The following TMEFF2 variants were observed in gnomAD, a reference collection of about 807,000 sequenced individuals.
The protein encoded by TMEFF2 is transmembrane protein with EGF like and two follistatin like domains 2, also known as tomoregulin-2.
A neutral mutation model predicts 53.8 loss-of-function variants in TMEFF2; 28 were observed. That is an observed-to-expected ratio of 0.52 (90% CI 0.39 to 0.71). The LOEUF (loss-of-function observed/expected upper bound fraction) is 0.71, where lower values mean the gene tolerates loss of function less well. Among genes scored for constraint, TMEFF2 ranks in the 30% least tolerant of loss-of-function variants. The pLI is 0.00. For synonymous variants in TMEFF2, 162 were observed against 166.3 expected (o/e 0.97, Z 0.20); for missense variants, 353 against 455.2 (o/e 0.78, Z 2.04).
chr2:191,969,216 T>C (rs1200798608), intron 7 of TMEFF2, among the ~76,000 whole-genome samples: 1 of 152,012 alleles, frequency 6.6e-6, no homozygotes, highest in African/African-American at 2.4e-5. Context: ...AAGTGTTCAA[T>C]ATATAGAATG....
intron 4 of TMEFF2, among the ~76,000 whole-genome samples, chr2:192,124,729 A>T (rs1273413812): frequency 6.6e-6 from 1 of 152,206 alleles, no homozygotes; most frequent in Non-Finnish European, 1.5e-5. Context: ...GACACCTGGC[A>T]AATGGAGTTT....
chr2:192,157,295 G>A (rs187277937), intron 4 of TMEFF2, among the ~76,000 whole-genome samples: 151 of 152,088 alleles, frequency 9.9e-4, no homozygotes, highest in Middle Eastern at 3.4e-3. Flanking sequence ...TTGTCTCTTA[G>A]TAACCTGGAC....
At chr2:192,161,073 C>T (rs1016268634) in intron 4 of TMEFF2, among the ~76,000 whole-genome samples, 9 of 152,124 alleles carry the variant, frequency 5.9e-5, no homozygotes, top group Admixed American at 3.9e-4. Context: ...GTCTCCCAGT[C>T]TCATCTTCCC....
chr2:191,963,143 C>T (rs978414568), intron 7 of TMEFF2, among the ~76,000 whole-genome samples: 1 of 152,122 alleles, frequency 6.6e-6, no homozygotes, highest in African/African-American at 2.4e-5. Context: ...CAATTTGTTG[C>T]AGCTCTCCCC....
At chr2:192,001,046 G>C (rs1686345933) in intron 5 of TMEFF2, among the ~76,000 whole-genome samples, 1 of 152,166 alleles carries the variant, frequency 6.6e-6, no homozygotes, top group Non-Finnish European at 1.5e-5. Flanking sequence ...ATGTGGATAA[G>C]TGACTCTGTA....
chr2:192,139,401 G>A (rs185386336), intron 4 of TMEFF2, among the ~76,000 whole-genome samples: 197 of 152,228 alleles, frequency 1.3e-3, no homozygotes, highest in African/African-American at 4.3e-3. Flanking sequence ...ACCATCAAGA[G>A]GTAATTGAAG....
At chr2:191,998,155 G>T in intron 7 of TMEFF2, 107 bp downstream of exon 7, 1 of 860,010 alleles carries the variant, frequency 1.2e-6, no homozygotes, top group Non-Finnish European at 1.8e-6. Flanking sequence ...GCTAGCACAT[G>T]TTAGAAGTCT....
intron 4 of TMEFF2, among the ~76,000 whole-genome samples, chr2:192,076,790 C>T (rs1688442045): frequency 6.6e-6 from 1 of 152,110 alleles, no homozygotes; most frequent in South Asian, 2.1e-4. Flanking sequence ...GGGTGTCCCA[C>T]CACAGATGGT....
chr2:192,047,158 C>T (rs1687642786), intron 5 of TMEFF2, among the ~76,000 whole-genome samples: 1 of 152,104 alleles, frequency 6.6e-6, no homozygotes, highest in African/African-American at 2.4e-5. Flanking sequence ...TGAGCTTGGG[C>T]AATCTGCCTG....
chr2:192,117,984 T>TTTTTTTTTTTTTTTTTTTTTGAGAC (rs1285280749), intron 4 of TMEFF2, among the ~76,000 whole-genome samples: 1 of 151,292 alleles, frequency 6.6e-6, no homozygotes, highest in Non-Finnish European at 1.5e-5. Context: ...TTGCTTTGTT[T>TTTTTTTTTTTTTTTTTTTTTGAGAC]GTGGGCTTTA....
At chr2:192,130,389 C>T (rs996280528) in intron 4 of TMEFF2, among the ~76,000 whole-genome samples, 1 of 152,034 alleles carries the variant, frequency 6.6e-6, no homozygotes, top group East Asian at 1.9e-4. Context: ...AAGAGTATGT[C>T]AGGCCTCTGA....
intron 2 of TMEFF2, among the ~76,000 whole-genome samples, chr2:192,186,327 G>A (rs10194440): frequency 0.97 from 147,130 of 152,136 alleles, 71,344 homozygotes; most frequent in East Asian, 1. Context: ...AAAGAAGGCA[G>A]GAGCAAAATG....
At chr2:192,054,115 C>A (rs1376491494) in intron 5 of TMEFF2, among the ~76,000 whole-genome samples, 1 of 151,676 alleles carries the variant, frequency 6.6e-6, no homozygotes, top group Non-Finnish European at 1.5e-5. Context: ...CCACTTAGCC[C>A]CCATCTGGAG....
chr2:192,042,991 A>G (rs1379586015), intron 5 of TMEFF2, among the ~76,000 whole-genome samples: 1 of 152,186 alleles, frequency 6.6e-6, no homozygotes, highest in Non-Finnish European at 1.5e-5. Context: ...AAATGGGAAT[A>G]GCAGTTACTG....
Position 191,949,118 on chromosome 2 carries a change from T to TAATA in TMEFF2, c.*1189_*1192dup. The TAATA allele has an allele frequency of 1.0e-6, 1 of 985,036 alleles. No individual in the cohort carries two copies. The highest frequency in any genetic ancestry group is 4.7e-5 in the South Asian group (1 of 21,286). 61.0% of individuals were successfully genotyped at this position (985,036 alleles called of 1,614,324 possible). ...TGGAAAGCTTTGCAGAGCTAAATGATAATAATTGATTTATTTTCATCTTAT... is the reference window on the plus strand; with the variant it reads ...TGGAAAGCTTTGCAGAGCTAAATGATAATAAATAATTGATTTATTTTCATCTTAT... On this transcript the variant is annotated 3_prime_UTR_variant, in exon 10 of 10. Transcript: ENST00000272771.
intron 5 of TMEFF2, among the ~76,000 whole-genome samples, chr2:192,011,198 G>T (rs1185312335): frequency 6.6e-6 from 1 of 152,176 alleles, no homozygotes; most frequent in East Asian, 1.9e-4. Context: ...ATGATAAAGA[G>T]CATAGTTGGA....
At chr2:192,015,296 C>T (rs923682545) in intron 5 of TMEFF2, among the ~76,000 whole-genome samples, 13 of 132,204 alleles carry the variant, frequency 9.8e-5, no homozygotes, top group African/African-American at 3.4e-4. Context: ...ATTCTAGAGG[C>T]TATCACTGAA....
intron 5 of TMEFF2, among the ~76,000 whole-genome samples, chr2:192,035,952 T>C (rs1048233219): frequency 6.6e-6 from 1 of 152,218 alleles, no homozygotes; most frequent in African/African-American, 2.4e-5. Flanking sequence ...ATCTCTGGCA[T>C]CTCATAATTG....
At chr2:192,123,370 C>T (rs910459674) in intron 4 of TMEFF2, among the ~76,000 whole-genome samples, 5 of 152,034 alleles carry the variant, frequency 3.3e-5, no homozygotes, top group Non-Finnish European at 5.9e-5. Context: ...TTGAGGTAAT[C>T]GATCTAGATT....
Sources: allele counts gnomAD v4.1 joint callset (sites outside exome capture counted in the v4.1 genomes callset), GRCh38; gene constraint gnomAD v4.1.1; transcripts MANE v1.5; gene names NCBI Gene and HGNC (gene_info 2026-07-23, HGNC 2026-07-21).